LCP1: variants seen among roughly 807,000 people sequenced by gnomAD.
LCP1 encodes the protein plastin-2.
Under a neutral mutation model 72.0 loss-of-function variants are expected in LCP1, and 23 were observed. That is an observed-to-expected ratio of 0.32 (90% CI 0.23 to 0.45). The LOEUF (loss-of-function observed/expected upper bound fraction) is 0.45, where lower values mean the gene tolerates loss of function less well. Among genes scored for constraint, LCP1 ranks in the 20% least tolerant of loss-of-function variants. The pLI is 1.00. For synonymous variants in LCP1, 245 were observed against 275.4 expected, an observed-to-expected ratio of 0.89 and a Z score of 1.09; for missense variants, 571 against 748.3, an observed-to-expected ratio of 0.76 and a Z score of 2.76.
chr13:46,127,543 G>C lies in LCP1; in HGVS notation c.*48C>G, dbSNP rs145222892. ...GAATCATCCCTGGAGCATCTGTGCC[G>C]GGCAGTCAGGAGTGAGTGCACCGCC... On this transcript the variant is annotated 3_prime_UTR_variant, in exon 16 of 16. Coordinates refer to ENST00000323076, the MANE Select transcript of LCP1 (RefSeq NM_002298.5). 1 of 1,608,700 alleles carries C rather than the reference G, an allele frequency of 6.2e-7. No individual in the cohort carries two copies. Among genetic ancestry groups the C allele is most frequent in the African/African-American group, 1.3e-5 (1 of 74,824 alleles).
In LCP1 at chr13:46,146,920, C is replaced by G. The variant is rs749381028; in HGVS notation, c.1162G>C (p.Gly388Arg). Reference sequence around the variant, plus strand: ...CGTTTACAGTTACCTTCAAGAGCCCCCCAGTCAATGTCCTGGTTCTCTGGT... The same window carrying G: ...CGTTTACAGTTACCTTCAAGAGCCCGCCAGTCAATGTCCTGGTTCTCTGGT... The part of the protein sequence containing the change: ...HKPENQDIDW[G>R]ALEGETREER... The change falls in exon 10 of 16, where the codon GGG becomes CGG. Residue 388 changes from glycine (G) to arginine (R), a missense_variant. Coordinates refer to ENST00000323076, the MANE Select transcript of LCP1 (RefSeq NM_002298.5). The G allele has an allele frequency of 9.3e-6, 15 of 1,614,028 alleles. No individual in the cohort carries two copies. The highest frequency in any genetic ancestry group is 1.3e-5 in the Non-Finnish European group (15 of 1,180,036).
At chr13:46,131,712 G>T (rs2045635321) in intron 14 of LCP1, among the ~76,000 whole-genome samples, 1 of 152,120 alleles carries the variant, frequency 6.6e-6, no homozygotes, top group Non-Finnish European at 1.5e-5. Flanking sequence ...CAGCAACATG[G>T]ATGCAGCTGG....
intron 4 of LCP1, among the ~76,000 whole-genome samples, chr13:46,157,798 G>A (rs2045812605): frequency 7.1e-6 from 1 of 141,626 alleles, no homozygotes; most frequent in Non-Finnish European, 1.5e-5. Flanking sequence ...CCAGGCTGGA[G>A]TGCAATGGTG....
chr13:46,148,338 G>A lies in LCP1; in HGVS notation c.978+14C>T, dbSNP rs763000917. The stretch of plus-strand genomic sequence containing the variant: ...GCATCATATTCTCCAAACACAACTG[G>A]GACCTGGCCTTACCCGCAGTCCTGA... On this transcript the variant is annotated intron_variant, in intron 9 of 15. Coordinates refer to ENST00000323076, the MANE Select transcript of LCP1 (RefSeq NM_002298.5). The A allele has an allele frequency of 1.9e-6, 3 of 1,586,578 alleles. No individual in the cohort carries two copies. Among genetic ancestry groups the A allele is most frequent in the East Asian group, 2.2e-5 (1 of 44,712 alleles).
At chr13:46,171,093 C>G (rs1023871136) in intron 1 of LCP1, among the ~76,000 whole-genome samples, 3 of 152,198 alleles carry the variant, frequency 2.0e-5, no homozygotes, top group African/African-American at 7.2e-5. Flanking sequence ...ACCAGTTGGT[C>G]AGTAATAATA....
chr13:46,165,598 C>T (rs1449207476), intron 1 of LCP1, among the ~76,000 whole-genome samples: 1 of 152,148 alleles, frequency 6.6e-6, no homozygotes, highest in Non-Finnish European at 1.5e-5. Context: ...CTAAAGAAAG[C>T]ATGTATCTTC....
intron 8 of LCP1, 137 bp from the exon 9 acceptor site, chr13:46,148,584 A>ATT (rs1463527308): frequency 5.9e-5 from 38 of 644,968 alleles, no homozygotes; most frequent in African/African-American, 5.8e-4. Flanking sequence ...AAAGCTAGAA[A>ATT]CATTCACTAA....
At chr13:46,161,117 G>C (rs1490684575) in intron 1 of LCP1, among the ~76,000 whole-genome samples, 1 of 151,944 alleles carries the variant, frequency 6.6e-6, no homozygotes, top group Non-Finnish European at 1.5e-5. Context: ...TCAAACTTTT[G>C]TTCCACCAAG....
intron 14 of LCP1, among the ~76,000 whole-genome samples, chr13:46,133,244 T>C (rs1055001296): frequency 2.0e-5 from 3 of 152,210 alleles, no homozygotes; most frequent in Non-Finnish European, 4.4e-5. Flanking sequence ...ATAGTTTATA[T>C]TACTTTGAAA....
At chr13:46,151,831 A>G (rs776455061) in intron 7 of LCP1, among the ~76,000 whole-genome samples, 28 of 152,246 alleles carry the variant, frequency 1.8e-4, no homozygotes, top group Admixed American at 9.2e-4. Flanking sequence ...TAGGATTTGT[A>G]CCTGATAACT....
chr13:46,149,990 C>T (rs1047922602), intron 8 of LCP1, among the ~76,000 whole-genome samples: 3 of 152,148 alleles, frequency 2.0e-5, no homozygotes, highest in Non-Finnish European at 4.4e-5. Flanking sequence ...GGGGGCTTTC[C>T]ATCTAGAAGC....
chr13:46,157,257 CATAT>C (rs138830625), intron 4 of LCP1, among the ~76,000 whole-genome samples: 5 of 150,944 alleles, frequency 3.3e-5, no homozygotes, highest in African/African-American at 1.2e-4. Context: ...TGCATGTATA[CATAT>C]ATATATACAC....
chr13:46,134,156 T>C lies in LCP1; in HGVS notation c.1597A>G (p.Lys533Glu), dbSNP rs4941543. ...AAACTAGAGATGGATGAACTTTTCT[T>C]TGCTTCCCTCAATGTTTCATTCACC... is the stretch of plus-strand genomic sequence containing the variant. ...NWVNETLREA[K>E]KSSSISSFKD... Residue 533 changes from lysine to glutamate, a missense_variant, in exon 14 of 16, where the codon AAG becomes GAG. Physicochemically the swap from Lys to Glu is moderately conservative, Grantham distance 56. Coordinates refer to ENST00000323076, the MANE Select transcript of LCP1 (RefSeq NM_002298.5). The C allele has an allele frequency of 0.9, 1,459,556 of 1,613,158 alleles. 661,210 individuals carry two copies. The highest frequency in any genetic ancestry group is 0.97 in the South Asian group (87,992 of 91,070).
intron 13 of LCP1, among the ~76,000 whole-genome samples, chr13:46,139,293 T>A (rs1309839533): frequency 6.6e-6 from 1 of 152,140 alleles, no homozygotes; most frequent in African/African-American, 2.4e-5. Context: ...GACCCCAGTG[T>A]GGAAATGGGT....
chr13:46,132,017 T>A lies in LCP1; in HGVS notation c.1627-1079A>T, dbSNP rs533714947. Reference sequence around the variant, plus strand: ...TCTCTGAATCTTTTTTTTTTTTTTTTAAAGAGTGGGTTGTGTTCATTTTTA... The same window carrying A: ...TCTCTGAATCTTTTTTTTTTTTTTTAAAAGAGTGGGTTGTGTTCATTTTTA... On this transcript the variant is annotated intron_variant, in intron 14 of 15. Coordinates refer to ENST00000323076, the MANE Select transcript of LCP1 (RefSeq NM_002298.5). Among the ~76,000 whole-genome samples, 156 of 119,740 alleles carry A rather than the reference T, an allele frequency of 1.3e-3. 1 individual carries two copies. Among genetic ancestry groups the A allele is most frequent in the African/African-American group, 4.5e-3 (143 of 31,706 alleles). 78.6% of individuals were successfully genotyped at this position (119,740 alleles called of 152,430 possible).
intron 1 of LCP1, among the ~76,000 whole-genome samples, chr13:46,174,602 G>A (rs1003882636): frequency 6.6e-6 from 1 of 152,132 alleles, no homozygotes; most frequent in Non-Finnish European, 1.5e-5. Context: ...CCAGAACTTT[G>A]GGAGGCCGAA....
At chr13:46,133,235 T>C (rs763467644) in intron 14 of LCP1, among the ~76,000 whole-genome samples, 1 of 152,226 alleles carries the variant, frequency 6.6e-6, no homozygotes, top group Non-Finnish European at 1.5e-5. Context: ...AATACTATCA[T>C]AGTTTATATT....
intron 1 of LCP1, among the ~76,000 whole-genome samples, chr13:46,172,367 CCAGCTACT>C (rs2138281683): frequency 6.6e-6 from 1 of 152,048 alleles, no homozygotes; most frequent in African/African-American, 2.4e-5. Context: ...GCCTGTAATC[CCAGCTACT>C]CATGAGGCTG....
At position 46,143,317 on chromosome 13, in the gene LCP1, G is replaced by A; in HGVS notation, c.1341C>T (p.Tyr447=). 6.2e-7 allele frequency: 1 copy of A among 1,613,686 alleles called. No homozygotes were observed. Among genetic ancestry groups the A allele is most frequent in the Non-Finnish European group, 8.5e-7 (1 of 1,179,628 alleles). The part of the protein sequence containing the change: ...VDWNRVNKPP[Y]PKLGGNMKKL... ...TCTTCATATTGCCTCCCAGTTTGGG[G>A]TATGGCGGTTTGTTTACTCTGTTCC... Residue 447 remains tyrosine (Y), a synonymous_variant, in exon 12 of 16, where the codon TAC becomes TAT. Transcript: ENST00000323076.
Sources: gnomAD v4.1 joint callset for allele counts (sites outside exome capture counted in the v4.1 genomes callset) on GRCh38, gnomAD v4.1.1 for gene constraint, MANE v1.5 for transcripts, NCBI Gene and HGNC (gene_info 2026-07-23, HGNC 2026-07-21) for gene names.